Variants in ABCC9 observed in about 807,000 individuals in gnomAD.
The protein encoded by ABCC9 is ATP-binding cassette sub-family C member 9.
A neutral mutation model predicts 188.3 loss-of-function variants in ABCC9; 95 were observed. The observed-to-expected ratio is 0.50, with a 90% CI of 0.43 to 0.60. The LOEUF (loss-of-function observed/expected upper bound fraction) is 0.60. Among genes scored for constraint, ABCC9 ranks in the 20% least tolerant of loss-of-function variants. The probability of loss-of-function intolerance (pLI) is 0.00; values close to 1 mark genes in which losing one functional copy is unlikely to be tolerated. For missense variants in ABCC9, 1,102 were observed against 1,876.3 expected (o/e 0.59, Z 7.62); for synonymous variants, 659 against 652.7 (o/e 1.01, Z -0.15).
intron 18 of ABCC9, among the ~76,000 whole-genome samples, chr12:21,871,943 A>G (rs1303831174): frequency 6.6e-6 from 1 of 152,224 alleles, no homozygotes; most frequent in Non-Finnish European, 1.5e-5. Flanking sequence ...GCCAAACTAA[A>G]TAAGTATAAT....
At chr12:21,824,924 G>T (rs540703190) in intron 31 of ABCC9, among the ~76,000 whole-genome samples, 3 of 113,522 alleles carry the variant, frequency 2.6e-5, no homozygotes, top group East Asian at 2.2e-4. Flanking sequence ...CTATTTTGTT[G>T]ATCTTTTTTG....
intron 18 of ABCC9, among the ~76,000 whole-genome samples, chr12:21,868,666 A>G (rs917330656): frequency 2.6e-5 from 4 of 152,262 alleles, no homozygotes; most frequent in African/African-American, 9.6e-5. Context: ...AATTTATGCA[A>G]TCAGAGACAC....
chr12:21,928,314 G>GGGAAGGAAGGAA lies in ABCC9; in HGVS notation c.285-2263_285-2252dup, dbSNP rs150948526. On this transcript the variant is annotated intron_variant, in intron 4 of 39. Transcript: ENST00000261200. ...AGGAAGGAAGGAAGGGAGGGTGGGA[G>GGGAAGGAAGGAA]GGAAGGAAGGAAGGAAGGAAGGAAG... is the stretch of plus-strand genomic sequence containing the variant. Among the ~76,000 whole-genome samples the GGGAAGGAAGGAA allele has an allele frequency of 2.1e-4, 20 of 94,102 alleles. No homozygotes were observed. The South Asian group carries it at 4.4e-3, about 21-fold the overall frequency. The allele number at this position is 94,102 out of a possible 152,430, so 61.7% of individuals were successfully genotyped here.
At chr12:21,819,621 A>C (rs1294835555) in intron 31 of ABCC9, among the ~76,000 whole-genome samples, 2 of 152,220 alleles carry the variant, frequency 1.3e-5, no homozygotes, top group Non-Finnish European at 2.9e-5. Flanking sequence ...TTAATTCACA[A>C]GGATTTTTAA....
At chr12:21,844,717 C>CAT in intron 27 of ABCC9, 50 bp downstream of exon 27, 1 of 1,603,824 alleles carries the variant, frequency 6.2e-7, no homozygotes, top group Non-Finnish European at 8.5e-7. Flanking sequence ...TTGAAAAATG[C>CAT]ATATTTTTAT....
intron 5 of ABCC9, chr12:21,925,638 C>G (rs1368947833): frequency 6.2e-6 from 4 of 647,980 alleles, no homozygotes; most frequent in Non-Finnish European, 1.1e-5. Context: ...AATACAACTT[C>G]TGCAAGCCAG....
In ABCC9 at chr12:21,894,217, G is replaced by T. The variant is rs704216; in HGVS notation, c.1660-43C>A. On this transcript the variant is annotated intron_variant, in intron 13 of 39. Transcript: ENST00000261200. Reference sequence around the variant, plus strand: ...TTCTTTAGAGAAAGCTGGAAAAAGTGTCACACATGCGTACATTCAGTCCTA... The same window carrying T: ...TTCTTTAGAGAAAGCTGGAAAAAGTTTCACACATGCGTACATTCAGTCCTA... 1,612,448 of 1,612,918 alleles carry T rather than the reference G, an allele frequency of 1. 805,990 individuals carry two copies. Among genetic ancestry groups the T allele is most frequent in the Middle Eastern group, 1 (6,054 of 6,054 alleles).
intron 12 of ABCC9, 128 bp from the exon 13 acceptor site, chr12:21,895,443 G>T: frequency 1.2e-6 from 1 of 807,816 alleles, no homozygotes; most frequent in Non-Finnish European, 2.1e-6. Context: ...ATGTCATTTT[G>T]TCTGGAGTCC....
chr12:21,934,138 A>G (rs1418740096), intron 3 of ABCC9, among the ~76,000 whole-genome samples: 1 of 152,124 alleles, frequency 6.6e-6, no homozygotes, highest in African/African-American at 2.4e-5. Flanking sequence ...ACACATTAAC[A>G]TTTGTGGCAT....
At chr12:21,923,644 G>T in intron 5 of ABCC9, 1 of 551,654 alleles carries the variant, frequency 1.8e-6, no homozygotes. Flanking sequence ...TGAACATGTG[G>T]AACTGGAACT....
intron 12 of ABCC9, among the ~76,000 whole-genome samples, chr12:21,896,390 A>G (rs893091926): frequency 8.5e-5 from 13 of 152,338 alleles, no homozygotes; most frequent in African/African-American, 3.1e-4. Flanking sequence ...AATAACACAG[A>G]TGAGAAGCCA....
intron 37 of ABCC9, 34 bp downstream of exon 37, chr12:21,809,818 T>C (rs375290771): frequency 4.8e-6 from 6 of 1,249,078 alleles, no homozygotes; most frequent in African/African-American, 2.9e-5. Flanking sequence ...TAATGGCATA[T>C]ATAAAAAATA....
At chr12:21,859,528 A>T in intron 22 of ABCC9, 58 bp downstream of exon 22, 2 of 1,515,732 alleles carry the variant, frequency 1.3e-6, no homozygotes, top group Non-Finnish European at 1.8e-6. Context: ...CTTTTTAAAG[A>T]CTCATTTGTC....
At chr12:21,880,610 C>T (rs888148802) in intron 16 of ABCC9, among the ~76,000 whole-genome samples, 13 of 152,128 alleles carry the variant, frequency 8.5e-5, no homozygotes, top group African/African-American at 1.4e-4. Flanking sequence ...TATCTTATAT[C>T]GAAAGTTGCT....
intron 12 of ABCC9, among the ~76,000 whole-genome samples, chr12:21,902,955 C>T (rs184796748): frequency 1.1e-4 from 17 of 152,284 alleles, no homozygotes; most frequent in African/African-American, 4.1e-4. Context: ...CCAGCATCAT[C>T]CTGATACCAA....
At chr12:21,849,845 A>G (rs1944870372) in intron 24 of ABCC9, among the ~76,000 whole-genome samples, 1 of 152,196 alleles carries the variant, frequency 6.6e-6, no homozygotes. Context: ...AGCATTAAGA[A>G]GATAATGGTT....
At chr12:21,849,941 T>C (rs940203051) in intron 24 of ABCC9, among the ~76,000 whole-genome samples, 2 of 152,104 alleles carry the variant, frequency 1.3e-5, no homozygotes, top group Admixed American at 6.6e-5. Flanking sequence ...TCATATTCTT[T>C]CCTGTTTACC....
In ABCC9 at chr12:21,925,998, G is replaced by A; in HGVS notation, c.350C>T (p.Thr117Ile). The A allele has an allele frequency of 6.2e-7, 1 of 1,613,992 alleles. No individual in the cohort carries two copies. The highest frequency in any genetic ancestry group is 8.5e-7 in the Non-Finnish European group (1 of 1,179,848). ...GATATTATGATAATACACTATCGAT[G>A]TTGTAGTGGCAACGAATCCCATCAC... is the stretch of plus-strand genomic sequence containing the variant. ...PAVMGFVATT[T>I]SIVYYHNIET... Residue 117 changes from threonine to isoleucine, a missense_variant, in exon 5 of 40, where the codon ACA becomes ATA. Physicochemically the swap from Thr to Ile is moderately conservative, Grantham distance 89 (BLOSUM62 -1). Around this residue, in one of 12 missense-constraint regions of ABCC9, gnomAD observed 305 missense variants for 573.0 expected, o/e 0.53. Coordinates refer to ENST00000261200, the MANE Select transcript of ABCC9 (RefSeq NM_020297.4).
intron 12 of ABCC9, among the ~76,000 whole-genome samples, chr12:21,903,867 A>T (rs181043059): frequency 6.6e-6 from 1 of 152,262 alleles, no homozygotes; most frequent in Non-Finnish European, 1.5e-5. Context: ...AAGGTAATTT[A>T]TAGATTCAAT....
Sources: allele counts gnomAD v4.1 joint callset (sites outside exome capture counted in the v4.1 genomes callset), GRCh38; gene constraint gnomAD v4.1.1; regional missense constraint gnomAD v4.1.1; transcripts MANE v1.5; gene names NCBI Gene and HGNC (gene_info 2026-07-23, HGNC 2026-07-21).